DENND3: variants seen among roughly 807,000 people sequenced by gnomAD.
DENND3 encodes the protein DENN domain-containing protein 3.
DENND3 carries 88 observed loss-of-function variants against 135.1 expected under a neutral mutation model. That is an observed-to-expected ratio of 0.65 (90% CI 0.55 to 0.78). DENND3 has a LOEUF of 0.78. Among genes scored for constraint, DENND3 ranks in the 30% least tolerant of loss-of-function variants. DENND3 has a pLI of 0.00. For synonymous variants in DENND3, 693 were observed against 712.3 expected, an observed-to-expected ratio of 0.97 and a Z score of 0.43; for missense variants, 1,392 against 1,688.4, an observed-to-expected ratio of 0.82 and a Z score of 3.08.
At chr8:141,171,238 T>C (rs1821515780) in intron 13 of DENND3, among the ~76,000 whole-genome samples, 2 of 152,270 alleles carry the variant, frequency 1.3e-5, no homozygotes, top group South Asian at 4.1e-4. Context: ...GAGCTCAATG[T>C]CACCATCTTT....
At chr8:141,184,222 T>C (rs1216494131) in intron 17 of DENND3, among the ~76,000 whole-genome samples, 3 of 152,252 alleles carry the variant, frequency 2.0e-5, no homozygotes, top group African/African-American at 7.2e-5. Context: ...TTGCTTTTAA[T>C]GTAGTCAGAT....
intron 18 of DENND3, among the ~76,000 whole-genome samples, chr8:141,187,802 T>C (rs967996943): frequency 1.3e-5 from 2 of 152,202 alleles, no homozygotes; most frequent in African/African-American, 4.8e-5. Context: ...TTGACAAAAG[T>C]CTAGTAATGC....
At chr8:141,134,381 G>A (rs1016333891) in intron 1 of DENND3, among the ~76,000 whole-genome samples, 2 of 149,364 alleles carry the variant, frequency 1.3e-5, no homozygotes, top group South Asian at 2.1e-4. Flanking sequence ...TGCAAGCTCC[G>A]CCTCCCGGGT....
chr8:141,130,027 G>A lies in DENND3; in HGVS notation c.102+1218G>A, dbSNP rs1203856829. 1 of 152,090 alleles carries A rather than the reference G, an allele frequency of 6.6e-6. No homozygotes were observed. Among genetic ancestry groups the A allele is most frequent in the Non-Finnish European group, 1.5e-5 (1 of 68,034 alleles). The allele number at this position is 152,090 out of a possible 1,614,324, so 9.4% of individuals were successfully genotyped here. A position where few individuals can be genotyped will look rare whatever the true frequency, so the allele number is the denominator to read the frequency against. ...ATCGATTGATTTGTCTCCCTACCTCGAATTTGCCAGATGGCATCTCCTCCT... is the reference window on the plus strand; with the variant it reads ...ATCGATTGATTTGTCTCCCTACCTCAAATTTGCCAGATGGCATCTCCTCCT... On this transcript the variant is annotated intron_variant, in intron 1 of 22. Transcript: ENST00000519811. This position sits in a 1 kb window ranked among gnomAD's most constrained non-coding sequence, Gnocchi z 4.2.
At chr8:141,155,112 G>C (rs1819282531) in intron 7 of DENND3, among the ~76,000 whole-genome samples, 1 of 152,146 alleles carries the variant, frequency 6.6e-6, no homozygotes, top group African/African-American at 2.4e-5. Context: ...TAGTGGGCTT[G>C]TGGAGGGGAG....
chr8:141,155,939 C>A lies in DENND3; in HGVS notation c.1165C>A (p.Pro389Thr). The A allele has an allele frequency of 6.2e-7, 1 of 1,611,880 alleles. No homozygotes were observed. Among genetic ancestry groups the A allele is most frequent in the Middle Eastern group, 1.7e-4 (1 of 6,050 alleles). Residue 389 changes from proline (P) to threonine (T), a missense_variant, in exon 8 of 23, where the codon CCC becomes ACC. By Grantham distance (38) the Pro-to-Thr change is conservative (BLOSUM62 -1). Coordinates refer to ENST00000519811, the MANE Select transcript of DENND3 (RefSeq NM_001352890.3). ...TDDNVDIPDV[P>T]LLAAQTFIQR... The stretch of plus-strand genomic sequence containing the variant: ...CGATAACGTGGACATTCCTGATGTC[C>A]CCCTCCTGGCAGCCCAGACGTTTAT...
chr8:141,159,650 A>T (rs1233561581), intron 8 of DENND3, among the ~76,000 whole-genome samples: 1 of 152,248 alleles, frequency 6.6e-6, no homozygotes, highest in Non-Finnish European at 1.5e-5. Context: ...CACACAGATC[A>T]GTGTATGGCA....
chr8:141,175,317 A>C lies in DENND3; in HGVS notation c.2393A>C (p.Lys798Thr). The C allele has an allele frequency of 6.2e-7, 1 of 1,614,234 alleles. No individual in the cohort carries two copies. Among genetic ancestry groups the C allele is most frequent in the South Asian group, 1.1e-5 (1 of 91,082 alleles). Residue 798 changes from lysine (K) to threonine (T), a missense_variant, in exon 14 of 23, where the codon AAA becomes ACA. Coordinates refer to ENST00000519811, the MANE Select transcript of DENND3 (RefSeq NM_001352890.3). The surrounding 1 kb of genome is among the most constrained non-coding windows in gnomAD (Gnocchi z 5.4). ...LPWLVMEHLD[K>T]NECVCKLSSS... ...TGGCTGGTGATGGAACACCTGGATA[A>C]AAACGAGTGTGTGTGTAAGTTGTCC...
chr8:141,187,749 C>G (rs1824087750), intron 18 of DENND3, among the ~76,000 whole-genome samples: 1 of 151,934 alleles, frequency 6.6e-6, no homozygotes. Context: ...AAATCATGAG[C>G]CTCAGATGAT....
In DENND3 at chr8:141,130,691, ATTT is replaced by A. The variant is rs869073041; in HGVS notation, c.102+1893_102+1895del. ...TTGAATGTCCAAGGCTTTTAAATAT[ATTT>A]TTTTTTTTTTGAGACAGAGTTTTGC... On this transcript the variant is annotated intron_variant, in intron 1 of 22. Coordinates refer to ENST00000519811, the MANE Select transcript of DENND3 (RefSeq NM_001352890.3). The surrounding 1 kb of genome is among the most constrained non-coding windows in gnomAD (Gnocchi z 4.2). 3.3e-5 allele frequency among the ~76,000 whole-genome samples: 4 copies of A among 120,860 alleles called. No homozygotes were observed. The highest frequency in any genetic ancestry group is 5.4e-5 in the Non-Finnish European group (3 of 55,112). The allele number at this position is 120,860 out of a possible 152,430, so 79.3% of individuals were successfully genotyped here.
intron 7 of DENND3, among the ~76,000 whole-genome samples, chr8:141,153,330 G>A (rs998775997): frequency 2.0e-5 from 3 of 152,184 alleles, no homozygotes; most frequent in African/African-American, 7.2e-5. Context: ...CTGGCCTCAA[G>A]TGATCCGCCC....
At chr8:141,165,665 T>C (rs1343673906) in intron 11 of DENND3, among the ~76,000 whole-genome samples, 1 of 152,142 alleles carries the variant, frequency 6.6e-6, no homozygotes, top group Non-Finnish European at 1.5e-5. Flanking sequence ...GGTTTCGCCA[T>C]GTTGGCCAGG....
intron 16 of DENND3, 104 bp from the exon 17 acceptor site, chr8:141,180,643 C>T (rs1822973172): frequency 1.8e-6 from 2 of 1,110,172 alleles, no homozygotes; most frequent in African/African-American, 3.1e-5. Context: ...GGAAGTTTTA[C>T]CTGCAAGCTG....
In DENND3 at chr8:141,175,276, G is replaced by C; in HGVS notation, c.2352G>C (p.Gln784His). ...NCWKETEAEAQEVSLPWLVME... is the reference protein window; with the variant it reads ...NCWKETEAEAHEVSLPWLVME... The stretch of plus-strand genomic sequence containing the variant: ...GGAAGGAGACGGAAGCAGAAGCCCA[G>C]GAGGTCAGTCTGCCGTGGCTGGTGA... Residue 784 changes from glutamine to histidine, a missense_variant, in exon 14 of 23, where the codon CAG (glutamine) becomes CAC (histidine). Gln to His is a conservative substitution (Grantham distance 24). Coordinates refer to ENST00000519811, the MANE Select transcript of DENND3 (RefSeq NM_001352890.3). The surrounding 1 kb of genome is among the most constrained non-coding windows in gnomAD (Gnocchi z 5.4). 6.2e-7 allele frequency: 1 copy of C among 1,614,228 alleles called. No homozygotes were observed. Among genetic ancestry groups the C allele is most frequent in the East Asian group, 2.2e-5 (1 of 44,892 alleles).
At position 141,138,283 on chromosome 8, in the gene DENND3, C is replaced by T; in HGVS notation, c.501+146C>T. On this transcript the variant is annotated intron_variant, in intron 3 of 22. Transcript: ENST00000519811. The surrounding 1 kb of genome is among the most constrained non-coding windows in gnomAD (Gnocchi z 4.8). ...GTACATTCACAGCATTGTGCAACCA[C>T]CACCAATGTCTAGGTCCAAAACGCT... 1.2e-6 allele frequency: 1 copy of T among 865,190 alleles called. No individual in the cohort carries two copies. Among genetic ancestry groups the T allele is most frequent in the Non-Finnish European group, 1.8e-6 (1 of 560,146 alleles). 53.6% of individuals were successfully genotyped at this position (865,190 alleles called of 1,614,324 possible).
Position 141,167,937 on chromosome 8 carries a change from T to G in DENND3, c.1754-67T>G, listed in dbSNP as rs1257981538. 3.9e-6 allele frequency: 6 copies of G among 1,532,914 alleles called. No individual in the cohort carries two copies. The East Asian group carries it at 1.4e-4, about 35-fold the overall frequency. 95.0% of individuals were successfully genotyped at this position (1,532,914 alleles called of 1,614,324 possible). On this transcript the variant is annotated intron_variant, in intron 12 of 22. Transcript: ENST00000519811. The surrounding 1 kb of genome is among the most constrained non-coding windows in gnomAD (Gnocchi z 4.1). Reference sequence around the variant, plus strand: ...AAACATTGTCCTTGACAAGATGATGTGACAGGGACACGTGTTCATTTGGAA... The same window carrying G: ...AAACATTGTCCTTGACAAGATGATGGGACAGGGACACGTGTTCATTTGGAA...
chr8:141,172,781 C>T (rs80336336), intron 13 of DENND3, among the ~76,000 whole-genome samples: 5,064 of 152,290 alleles, frequency 0.033, 108 homozygotes, highest in South Asian at 0.07. Context: ...TGCCTTGGCT[C>T]ACGCCTGTGA....
intron 8 of DENND3, among the ~76,000 whole-genome samples, chr8:141,158,782 A>G (rs1472475027): frequency 1.3e-5 from 2 of 152,144 alleles, no homozygotes; most frequent in African/African-American, 2.4e-5. Flanking sequence ...CTCTGATGGA[A>G]GTCGCTCTCT....
chr8:141,167,966 C>A lies in DENND3; in HGVS notation c.1754-38C>A. 6.4e-7 allele frequency: 1 copy of A among 1,571,938 alleles called. No individual in the cohort carries two copies. Among genetic ancestry groups the A allele is most frequent in the South Asian group, 1.2e-5 (1 of 84,844 alleles). On this transcript the variant is annotated intron_variant, in intron 12 of 22. Transcript: ENST00000519811. This position sits in a 1 kb window ranked among gnomAD's most constrained non-coding sequence, Gnocchi z 4.1. The stretch of plus-strand genomic sequence containing the variant: ...AGGGACACGTGTTCATTTGGAAGGT[C>A]TGTGCTAATGGTCTCCTTTTCCCCC...
Sources: allele counts gnomAD v4.1 joint callset (sites outside exome capture counted in the v4.1 genomes callset), GRCh38; gene constraint gnomAD v4.1.1; non-coding constraint Gnocchi (gnomAD v3.1); transcripts MANE v1.5; gene names NCBI Gene and HGNC (gene_info 2026-07-23, HGNC 2026-07-21).